The following WDR17 variants were observed in gnomAD, a reference collection of about 807,000 sequenced individuals.
WDR17 encodes WD repeat domain 17, also known as WD repeat-containing protein 17.
Under a neutral mutation model 161.7 loss-of-function variants are expected in WDR17, and 143 were observed. That is an observed-to-expected ratio of 0.88 (90% CI 0.77 to 1.02). WDR17 has a LOEUF of 1.02. Ranked by LOEUF, WDR17 falls within the 50% of genes least tolerant of loss-of-function variation. The probability of loss-of-function intolerance (pLI) is 0.00; values close to 1 mark genes in which losing one functional copy is unlikely to be tolerated. For synonymous variants in WDR17, 517 were observed against 515.6 expected, an observed-to-expected ratio of 1.00 and a Z score of -0.04; for missense variants, 1,469 against 1,520.9, an observed-to-expected ratio of 0.97 and a Z score of 0.57.
intron 1 of WDR17, among the ~76,000 whole-genome samples, chr4:176,074,825 T>C (rs1344860002): frequency 2.0e-5 from 3 of 148,300 alleles, no homozygotes; most frequent in Non-Finnish European, 4.5e-5. Flanking sequence ...TTTTTTTTTT[T>C]TTTTTTTGCT....
At chr4:176,108,707 T>A (rs1028921154) in intron 1 of WDR17, among the ~76,000 whole-genome samples, 1 of 152,164 alleles carries the variant, frequency 6.6e-6, no homozygotes, top group Non-Finnish European at 1.5e-5. Context: ...TCTGTACTTA[T>A]TGCTCAATTT....
intron 2 of WDR17, among the ~76,000 whole-genome samples, chr4:176,114,753 C>T (rs28512388): frequency 1.3e-5 from 2 of 151,154 alleles, no homozygotes; most frequent in African/African-American, 4.9e-5. Flanking sequence ...GGTTCTGGGG[C>T]GAGTTATGAA....
At chr4:176,105,223 T>C (rs900237638) in intron 1 of WDR17, among the ~76,000 whole-genome samples, 3 of 151,912 alleles carry the variant, frequency 2.0e-5, no homozygotes, top group African/African-American at 7.2e-5. Context: ...CATCAAAATA[T>C]ATGAAGCAAA....
chr4:176,117,720 C>A lies in WDR17; in HGVS notation c.307+1741C>A, dbSNP rs1055245303. On this transcript the variant is annotated intron_variant, in intron 3 of 28. Transcript: ENST00000508596. The stretch of plus-strand genomic sequence containing the variant: ...AGAATGATGAGATAATTGTGGAAAG[C>A]TTTTGGCAAATTTTTCATGTTTTTC... 2.0e-5 allele frequency among the ~76,000 whole-genome samples: 3 copies of A among 152,098 alleles called. No individual in the cohort carries two copies. The East Asian group carries it at 5.8e-4, about 29-fold the overall frequency.
intron 10 of WDR17, among the ~76,000 whole-genome samples, chr4:176,140,824 C>G (rs955451532): frequency 6.6e-6 from 1 of 151,504 alleles, no homozygotes; most frequent in Non-Finnish European, 1.5e-5. Context: ...TTTTTTTTTC[C>G]TTGAAAGGAA....
At position 176,092,260 on chromosome 4, in the gene WDR17, G is replaced by A. The variant is rs543869439; in HGVS notation, c.-6-19315G>A. ...AAAAGACCATTCATCAAGACCAAGT[G>A]GGGTTTATCCCAGGGATGCAAGGAT... On this transcript the variant is annotated intron_variant, in intron 1 of 28. Transcript: ENST00000508596. 1.8e-4 allele frequency among the ~76,000 whole-genome samples: 28 copies of A among 152,238 alleles called. No homozygotes were observed. The South Asian group carries it at 5.6e-3, about 30-fold the overall frequency.
Position 176,137,551 on chromosome 4 carries a change from C to A in WDR17, c.1299C>A (p.Ser433=). The change falls in exon 9 of 29, where the codon TCC becomes TCA. Residue 433 remains serine, a synonymous_variant. Coordinates refer to ENST00000508596, the MANE Select transcript of WDR17 (RefSeq NM_181265.4). ...TAAATTGTATTGCTGGGGGAACTTC[C>A]CGAAATGGTGCTTTTATTTGGAATG... ...GGLNCIAGGT[S]RNGAFIWNVQ... is the part of the protein sequence containing the mutation. 1 of 1,601,576 alleles carries A rather than the reference C, an allele frequency of 6.2e-7. No individual in the cohort carries two copies. The highest frequency in any genetic ancestry group is 8.5e-7 in the Non-Finnish European group (1 of 1,172,152).
intron 1 of WDR17, among the ~76,000 whole-genome samples, chr4:176,106,290 A>G (rs1170362592): frequency 6.6e-6 from 1 of 151,648 alleles, no homozygotes; most frequent in African/African-American, 2.4e-5. Flanking sequence ...ATAAATTTAT[A>G]TATAAATATA....
At chr4:176,108,828 C>T (rs78579410) in intron 1 of WDR17, among the ~76,000 whole-genome samples, 1 of 152,128 alleles carries the variant, frequency 6.6e-6, no homozygotes, top group Non-Finnish European at 1.5e-5. Context: ...CTTGCTGTGT[C>T]TCCCAGGCTA....
intron 1 of WDR17, among the ~76,000 whole-genome samples, chr4:176,070,516 CTTCTTTTTTCTT>C (rs1469935374): frequency 6.6e-6 from 1 of 151,656 alleles, no homozygotes; most frequent in Non-Finnish European, 1.5e-5. Flanking sequence ...TTTTTTTCCA[CTTCTTTTTTCTT>C]TTCTTTTTTT....
In WDR17 at chr4:176,115,861, A is replaced by T. The variant is rs1365269192; in HGVS notation, c.189A>T (p.Thr63=). ...AIMSEHKKTI[T]AISWCPHNPD... ...TGTCTGAACATAAAAAAACAATCAC[A>T]GCAATTTCTTGGTGTCCACATAATC... Residue 63 remains threonine, a synonymous_variant, in exon 3 of 29, where the codon ACA becomes ACT. Coordinates refer to ENST00000508596, the MANE Select transcript of WDR17 (RefSeq NM_181265.4). 1 of 1,611,734 alleles carries T rather than the reference A, an allele frequency of 6.2e-7. No individual in the cohort carries two copies. Among genetic ancestry groups the T allele is most frequent in the Non-Finnish European group, 8.5e-7 (1 of 1,178,536 alleles).
chr4:176,139,899 C>T lies in WDR17; in HGVS notation c.1367C>T (p.Thr456Ile). Residue 456 changes from threonine (T) to isoleucine (I), a missense_variant, in exon 10 of 29, where the codon ACA (threonine) becomes ATA (isoleucine). Physicochemically the swap from Thr to Ile is moderately conservative, Grantham distance 89. Transcript: ENST00000508596. ...ATTTTACATTTTTTGAAGCATGGAACAAATGGAATATTCTGCATTGCCTGG... is the reference window on the plus strand; with the variant it reads ...ATTTTACATTTTTTGAAGCATGGAATAAATGGAATATTCTGCATTGCCTGG... ...KIIQRFNEHG[T>I]NGIFCIAWSH... is the part of the protein sequence containing the mutation. 6.2e-7 allele frequency: 1 copy of T among 1,606,784 alleles called. No individual in the cohort carries two copies. Among genetic ancestry groups the T allele is most frequent in the Non-Finnish European group, 8.5e-7 (1 of 1,177,098 alleles).
At chr4:176,169,106 C>A (rs972028859) in intron 23 of WDR17, among the ~76,000 whole-genome samples, 3 of 152,176 alleles carry the variant, frequency 2.0e-5, no homozygotes, top group African/African-American at 7.2e-5. Context: ...ATTTCAACTT[C>A]AGCAAGTCTA....
chr4:176,125,753 G>A (rs28634477), intron 5 of WDR17, among the ~76,000 whole-genome samples: 37,603 of 152,090 alleles, frequency 0.25, 4,786 homozygotes, highest in South Asian at 0.28. Context: ...AGTCCATTTT[G>A]TGTTGCTGTA....
chr4:176,152,933 C>CAA (rs201147883), intron 17 of WDR17, among the ~76,000 whole-genome samples: 2 of 126,124 alleles, frequency 1.6e-5, no homozygotes, highest in African/African-American at 2.9e-5. Flanking sequence ...GACTCCATCT[C>CAA]AAAAAAAAAA....
chr4:176,076,654 T>C (rs1031722656), intron 1 of WDR17, among the ~76,000 whole-genome samples: 1 of 151,926 alleles, frequency 6.6e-6, no homozygotes, highest in Non-Finnish European at 1.5e-5. Flanking sequence ...TTTGGCTCTT[T>C]ATTGCTCTTT....
At chr4:176,157,104 G>A (rs897617162) in intron 18 of WDR17, among the ~76,000 whole-genome samples, 4 of 152,024 alleles carry the variant, frequency 2.6e-5, no homozygotes, top group Non-Finnish European at 4.4e-5. Context: ...ATTGTTTTGA[G>A]GGACACATTT....
At position 176,131,739 on chromosome 4, in the gene WDR17, G is replaced by T. The variant is rs768683694; in HGVS notation, c.1098+1G>T. 5.0e-6 allele frequency: 8 copies of T among 1,608,016 alleles called. No homozygotes were observed. The highest frequency in any genetic ancestry group is 1.7e-4 in the Middle Eastern group (1 of 6,034). On this transcript the variant is annotated splice_donor_variant, in intron 7 of 28. Transcript: ENST00000508596. LOFTEE classifies it high-confidence loss of function. ...GAAGTGGGATTTTCTTAGAGACTTG[G>T]TATGTATGTAGTCATTCCTTTATTA... is the stretch of plus-strand genomic sequence containing the variant.
In WDR17 at chr4:176,111,670, A is replaced by T. The variant is rs774734808; in HGVS notation, c.90A>T (p.Ala30=). The change falls in exon 2 of 29, where the codon GCA becomes GCT. Residue 30 remains alanine (A), a synonymous_variant. Coordinates refer to ENST00000508596, the MANE Select transcript of WDR17 (RefSeq NM_181265.4). ...DVCAASGDRF[A]YCATLAIYIY... Reference sequence around the variant, plus strand: ...GTGCTGCCAGTGGAGACAGGTTTGCATATTGTGCGACCCTGGCTATCTATA... The same window carrying T: ...GTGCTGCCAGTGGAGACAGGTTTGCTTATTGTGCGACCCTGGCTATCTATA... The T allele has an allele frequency of 6.8e-6, 11 of 1,609,142 alleles. No homozygotes were observed. The South Asian group carries it at 1.0e-4, about 15-fold the overall frequency.
Sources: gnomAD v4.1 joint callset for allele counts (sites outside exome capture counted in the v4.1 genomes callset) on GRCh38, gnomAD v4.1.1 for gene constraint, MANE v1.5 for transcripts, NCBI Gene and HGNC (gene_info 2026-07-23, HGNC 2026-07-21) for gene names.